The following JARID2 variants were observed in gnomAD, a reference collection of about 807,000 sequenced individuals.
JARID2 encodes jumonji and AT-rich interaction domain containing 2.
A neutral mutation model predicts 125.6 loss-of-function variants in JARID2; 21 were observed. The observed-to-expected ratio is 0.17, with a 90% confidence interval of 0.12 to 0.24. The LOEUF (loss-of-function observed/expected upper bound fraction) is 0.24, where lower values mean the gene tolerates loss of function less well. Among genes scored for constraint, JARID2 ranks in the 10% least tolerant of loss-of-function variants. JARID2 has a pLI of 1.00. For synonymous variants in JARID2, 736 were observed against 661.6 expected, an observed-to-expected ratio of 1.11 and a Z score of -1.73; for missense variants, 1,303 against 1,639.6, an observed-to-expected ratio of 0.79 and a Z score of 3.55.
chr6:15,408,579 G>A (rs191931471), intron 2 of JARID2, among the ~76,000 whole-genome samples: 7 of 152,244 alleles, frequency 4.6e-5, no homozygotes, highest in African/African-American at 1.4e-4. Flanking sequence ...AGTTTCTGCA[G>A]TCACACTCAA....
chr6:15,489,271 C>T (rs529144596), intron 6 of JARID2, among the ~76,000 whole-genome samples: 2 of 152,248 alleles, frequency 1.3e-5, no homozygotes, highest in South Asian at 4.1e-4. Flanking sequence ...TCATGGGCCA[C>T]ATCAGAACTG....
In JARID2 at chr6:15,461,100, T is replaced by G. The variant is rs570609627; in HGVS notation, c.494-7442T>G. Among the ~76,000 whole-genome samples, 23 of 152,340 alleles carry G rather than the reference T, an allele frequency of 1.5e-4. No homozygotes were observed. The South Asian group carries it at 4.6e-3, about 30-fold the overall frequency. On this transcript the variant is annotated intron_variant, in intron 4 of 17. Transcript: ENST00000341776. The stretch of plus-strand genomic sequence containing the variant: ...ATGGCTGCTGCTATGTGGTATGATT[T>G]CTATATTCAGTGAGATGAAGCGAAC...
intron 1 of JARID2, among the ~76,000 whole-genome samples, chr6:15,341,051 G>C (rs1763054535): frequency 6.6e-6 from 1 of 152,002 alleles, no homozygotes; most frequent in Admixed American, 6.6e-5. Context: ...GTATTCAAAA[G>C]GAAGTCTTTT....
At chr6:15,247,684 A>C in intron 1 of JARID2, 1 of 985,328 alleles carries the variant, frequency 1.0e-6, no homozygotes. Flanking sequence ...CCTTCGGGGC[A>C]CTGGTTTTGT....
intron 1 of JARID2, among the ~76,000 whole-genome samples, chr6:15,256,844 T>C (rs1328799165): frequency 2.0e-5 from 3 of 152,256 alleles, no homozygotes; most frequent in South Asian, 2.1e-4. Flanking sequence ...TATGTCATTG[T>C]AGGTCAATGT....
At chr6:15,272,096 G>T (rs951215263) in intron 1 of JARID2, among the ~76,000 whole-genome samples, 48 of 152,326 alleles carry the variant, frequency 3.2e-4, no homozygotes, top group African/African-American at 1.1e-3. Context: ...TTGCACTCCA[G>T]CCTGGGCAAC....
At chr6:15,259,305 G>A (rs532617280) in intron 1 of JARID2, among the ~76,000 whole-genome samples, 4 of 152,304 alleles carry the variant, frequency 2.6e-5, no homozygotes, top group African/African-American at 9.6e-5. Context: ...AGCTCTGTTT[G>A]TTCTATTTTC....
chr6:15,297,055 C>T (rs565571033), intron 1 of JARID2, among the ~76,000 whole-genome samples: 8 of 152,224 alleles, frequency 5.3e-5, no homozygotes, highest in Non-Finnish European at 8.8e-5. Flanking sequence ...TCCTTGTCAT[C>T]TAAAACATCT....
At chr6:15,257,076 A>G (rs1013935458) in intron 1 of JARID2, among the ~76,000 whole-genome samples, 1 of 152,240 alleles carries the variant, frequency 6.6e-6, no homozygotes, top group Non-Finnish European at 1.5e-5. Flanking sequence ...ATTTTATCAG[A>G]CACAGCTGGG....
At chr6:15,341,281 T>TA (rs1412381788) in intron 1 of JARID2, among the ~76,000 whole-genome samples, 7 of 152,346 alleles carry the variant, frequency 4.6e-5, no homozygotes, top group African/African-American at 1.7e-4. Context: ...TTCCCTCCCA[T>TA]ATGTTCTTTT....
In JARID2 at chr6:15,520,266, G is replaced by A. The variant is rs770627253; in HGVS notation, c.*15G>A. Reference sequence around the variant, plus strand: ...GCTCATCATGAAGATGCCAACGCCCGTGGTCGATTTATATATATTTTTTTG... The same window carrying A: ...GCTCATCATGAAGATGCCAACGCCCATGGTCGATTTATATATATTTTTTTG... On this transcript the variant is annotated 3_prime_UTR_variant, in exon 18 of 18. Transcript: ENST00000341776. The A allele has an allele frequency of 5.1e-6, 8 of 1,566,714 alleles. No individual in the cohort carries two copies. Among genetic ancestry groups the A allele is most frequent in the African/African-American group, 1.4e-5 (1 of 72,384 alleles).
chr6:15,286,722 T>C (rs1193724482), intron 1 of JARID2, among the ~76,000 whole-genome samples: 4 of 151,178 alleles, frequency 2.6e-5, no homozygotes, highest in Non-Finnish European at 5.9e-5. Context: ...ATTAGCTGGG[T>C]GTGGTGGCAG....
At chr6:15,457,330 C>T (rs1581591377) in intron 4 of JARID2, among the ~76,000 whole-genome samples, 1 of 152,136 alleles carries the variant, frequency 6.6e-6, no homozygotes, top group Non-Finnish European at 1.5e-5. Context: ...GTTGGGAATG[C>T]GATTAACCTT....
chr6:15,317,749 T>G (rs1322037637), intron 1 of JARID2, among the ~76,000 whole-genome samples: 1 of 152,152 alleles, frequency 6.6e-6, no homozygotes, highest in Non-Finnish European at 1.5e-5. Flanking sequence ...CGTGGGTGTT[T>G]GTTTTAGCTC....
chr6:15,279,646 T>A (rs1464405320), intron 1 of JARID2, among the ~76,000 whole-genome samples: 1 of 152,254 alleles, frequency 6.6e-6, no homozygotes, highest in Non-Finnish European at 1.5e-5. Context: ...TTTCTTGTAC[T>A]TCATTCATGT....
rs1429237393 is a variant in JARID2, at chr6:15,507,231, A to G, written c.2637A>G (p.Val879=). 6.2e-7 allele frequency: 1 copy of G among 1,613,656 alleles called. No individual in the cohort carries two copies. The highest frequency in any genetic ancestry group is 2.2e-5 in the East Asian group (1 of 44,874). Residue 879 remains valine (V), a synonymous_variant, in exon 10 of 18, where the codon GTA becomes GTG. Transcript: ENST00000341776. ...ACACTCACGGCAGTGGATTCCCAGTAGGAAAATCAGAACCCTTTTCGAGGT... is the reference window on the plus strand; with the variant it reads ...ACACTCACGGCAGTGGATTCCCAGTGGGAAAATCAGAACCCTTTTCGAGGT... ...DTNTHGSGFP[V]GKSEPFSRHG... is the part of the protein sequence containing the mutation.
chr6:15,253,675 G>C (rs1388951396), intron 1 of JARID2, among the ~76,000 whole-genome samples: 1 of 151,718 alleles, frequency 6.6e-6, no homozygotes, highest in Non-Finnish European at 1.5e-5. Flanking sequence ...CTATTTTAAG[G>C]GTGCTGCCCA....
chr6:15,462,417 G>C (rs144312835), intron 4 of JARID2, among the ~76,000 whole-genome samples: 1 of 151,460 alleles, frequency 6.6e-6, no homozygotes, highest in Admixed American at 6.6e-5. Context: ...GTAGACAGCT[G>C]CCCTGTTTGA....
At chr6:15,338,599 G>A (rs956368883) in intron 1 of JARID2, among the ~76,000 whole-genome samples, 3 of 152,144 alleles carry the variant, frequency 2.0e-5, no homozygotes, top group African/African-American at 7.2e-5. Context: ...GCTGTCTCAG[G>A]GAAGGCTGCA....
Sources: gnomAD v4.1 joint callset for allele counts (sites outside exome capture counted in the v4.1 genomes callset) on GRCh38, gnomAD v4.1.1 for gene constraint, MANE v1.5 for transcripts, NCBI Gene and HGNC (gene_info 2026-07-23, HGNC 2026-07-21) for gene names.